The following RHPN2 variants were observed in gnomAD, a reference collection of about 807,000 sequenced individuals.
RHPN2 encodes the protein rhophilin-2.
A neutral mutation model predicts 79.0 loss-of-function variants in RHPN2; 40 were observed. The ratio of observed to expected loss-of-function variants is 0.51; its 90% CI spans 0.39 to 0.66. RHPN2 has a LOEUF of 0.66. RHPN2 is among the 30% of genes least tolerant of loss of function. The pLI is 0.00. For missense variants in RHPN2, 686 were observed against 883.5 expected (o/e 0.78, Z 2.83); for synonymous variants, 285 against 363.5 (o/e 0.78, Z 2.46).
intron 1 of RHPN2, among the ~76,000 whole-genome samples, chr19:33,045,732 C>G (rs113528785): frequency 1.1e-4 from 17 of 152,212 alleles, no homozygotes; most frequent in Non-Finnish European, 1.6e-4. Flanking sequence ...CCTCAGCCCC[C>G]CAAAGTGCTG....
intron 2 of RHPN2, among the ~76,000 whole-genome samples, chr19:33,042,420 GT>G (rs1192441334): frequency 6.6e-6 from 1 of 152,190 alleles, no homozygotes; most frequent in Non-Finnish European, 1.5e-5. Flanking sequence ...GATGACATGA[GT>G]TGCTCTCTGC....
At chr19:33,012,333 C>T (rs1211536560) in intron 5 of RHPN2, among the ~76,000 whole-genome samples, 3 of 152,018 alleles carry the variant, frequency 2.0e-5, no homozygotes, top group Non-Finnish European at 2.9e-5. Flanking sequence ...TGCACCACCA[C>T]GCCCAGCTAA....
intron 6 of RHPN2, among the ~76,000 whole-genome samples, chr19:33,009,578 G>C (rs954806361): frequency 8.6e-5 from 13 of 151,990 alleles, no homozygotes; most frequent in African/African-American, 3.1e-4. Flanking sequence ...AGCCTCCCAA[G>C]TAGGTGGGAC....
chr19:33,005,010 A>T (rs1366002521), intron 7 of RHPN2, among the ~76,000 whole-genome samples: 6 of 151,646 alleles, frequency 4.0e-5, no homozygotes, highest in African/African-American at 1.4e-4. Flanking sequence ...ACAGGTATGG[A>T]GATGCAAGCA....
chr19:33,039,468 A>G (rs1211432107), intron 2 of RHPN2, among the ~76,000 whole-genome samples: 2 of 152,078 alleles, frequency 1.3e-5, no homozygotes. Context: ...AACTAAACTG[A>G]AGGCCCGAGG....
Position 32,992,220 on chromosome 19 carries a change from T to C in RHPN2, c.1498-251A>G, listed in dbSNP as rs995173596. ...ATTAATTATCTTTTTCTCTTTTTTT[T>C]TGAGACATTGTCTCACTCTGTCGCC... On this transcript the variant is annotated intron_variant, in intron 12 of 14. Coordinates refer to ENST00000254260, the MANE Select transcript of RHPN2 (RefSeq NM_033103.5). The C allele has an allele frequency of 1.9e-5, 9 of 464,910 alleles. No individual in the cohort carries two copies. The Admixed American group carries it at 2.7e-4, about 14-fold the overall frequency. 28.8% of individuals were successfully genotyped at this position (464,910 alleles called of 1,614,324 possible).
chr19:33,002,142 G>A (rs755131126), intron 9 of RHPN2, 105 bp downstream of exon 9: 238 of 1,382,608 alleles, frequency 1.7e-4, no homozygotes, highest in Non-Finnish European at 2.3e-4. Flanking sequence ...CCTTCAGCCT[G>A]TGAGCATCTC....
intron 1 of RHPN2, among the ~76,000 whole-genome samples, chr19:33,059,497 A>G: frequency 6.6e-6 from 1 of 151,730 alleles, no homozygotes; most frequent in East Asian, 1.9e-4. Context: ...ACAGGGTTTC[A>G]CCGTGTTGGC....
chr19:33,025,702 G>A (rs1016889361), intron 3 of RHPN2, among the ~76,000 whole-genome samples: 7 of 152,164 alleles, frequency 4.6e-5, no homozygotes, highest in African/African-American at 1.4e-4. Flanking sequence ...TTGTTCCTTG[G>A]CAAATAAATG....
rs1453225697 is a variant in RHPN2, at chr19:33,002,490, C to T, written c.949-87G>A. The T allele has an allele frequency of 5.2e-6, 8 of 1,525,742 alleles. No individual in the cohort carries two copies. In the East Asian group the frequency reaches 1.8e-4, roughly 34 times the overall value. 94.5% of individuals were successfully genotyped at this position (1,525,742 alleles called of 1,614,324 possible). Reference sequence around the variant, plus strand: ...GCAGAGAAAGAGCCCTTTCTTCTTCCCATGCAACAGCCCCTGCCAGGGGCT... The same window carrying T: ...GCAGAGAAAGAGCCCTTTCTTCTTCTCATGCAACAGCCCCTGCCAGGGGCT... On this transcript the variant is annotated intron_variant, in intron 8 of 14. Coordinates refer to ENST00000254260, the MANE Select transcript of RHPN2 (RefSeq NM_033103.5).
chr19:32,991,284 C>T (rs771369707), intron 13 of RHPN2: 34 of 190,486 alleles, frequency 1.8e-4, no homozygotes, highest in Middle Eastern at 2.5e-3. Flanking sequence ...AGTGAAACCC[C>T]GTCTCTACTA....
At chr19:33,044,870 G>A (rs1237341751) in intron 1 of RHPN2, among the ~76,000 whole-genome samples, 1 of 151,994 alleles carries the variant, frequency 6.6e-6, no homozygotes, top group Non-Finnish European at 1.5e-5. Context: ...CTCCAGCCTC[G>A]GCAACCAAAG....
At chr19:33,044,207 G>A in intron 2 of RHPN2, 42 bp downstream of exon 2, 1 of 1,437,898 alleles carries the variant, frequency 7.0e-7, no homozygotes, top group South Asian at 1.1e-5. Flanking sequence ...GGGAACAGAT[G>A]ACTAGGACTC....
chr19:33,022,142 G>A (rs113703097), intron 3 of RHPN2, among the ~76,000 whole-genome samples: 1 of 152,056 alleles, frequency 6.6e-6, no homozygotes. Flanking sequence ...ATGGGGTTTC[G>A]CCATGTTGAC....
At chr19:32,993,227 C>A (rs192440177) in intron 12 of RHPN2, among the ~76,000 whole-genome samples, 40 of 152,290 alleles carry the variant, frequency 2.6e-4, no homozygotes, top group African/African-American at 8.7e-4. Context: ...GTAATCCCAG[C>A]ACTTTGGGAG....
chr19:33,057,768 T>C (rs1209642410), intron 1 of RHPN2, among the ~76,000 whole-genome samples: 2 of 152,068 alleles, frequency 1.3e-5, no homozygotes, highest in African/African-American at 2.4e-5. Context: ...CCAGGAGATC[T>C]GTACTGCGGG....
At chr19:33,012,039 T>C (rs1250235551) in intron 5 of RHPN2, among the ~76,000 whole-genome samples, 1 of 34,506 alleles carries the variant, frequency 2.9e-5, no homozygotes, top group Admixed American at 3.1e-4. Context: ...GTTTTCCTTC[T>C]TTTTTTTTTT....
chr19:32,993,683 G>C (rs1281789008), intron 12 of RHPN2, among the ~76,000 whole-genome samples: 1 of 152,096 alleles, frequency 6.6e-6, no homozygotes, highest in African/African-American at 2.4e-5. Flanking sequence ...TCAAGAATGG[G>C]ATACATGCTT....
chr19:33,011,847 C>G (rs747881582), intron 5 of RHPN2, 44 bp from the exon 6 acceptor site: 2 of 1,613,482 alleles, frequency 1.2e-6, no homozygotes, highest in African/African-American at 2.7e-5. Flanking sequence ...GAGGAGGACA[C>G]AGCTGATGGC....
Sources: allele counts gnomAD v4.1 joint callset (sites outside exome capture counted in the v4.1 genomes callset), GRCh38; gene constraint gnomAD v4.1.1; transcripts MANE v1.5; gene names NCBI Gene and HGNC (gene_info 2026-07-23, HGNC 2026-07-21).